Variants in DCUN1D1 observed in about 807,000 individuals in gnomAD.
DCUN1D1 encodes DCN1-like protein 1.
Under a neutral mutation model 39.0 loss-of-function variants are expected in DCUN1D1, and 3 were observed. That is an observed-to-expected ratio of 0.08 (90% confidence interval 0.04 to 0.20). The LOEUF (loss-of-function observed/expected upper bound fraction) is 0.20, where lower values mean the gene tolerates loss of function less well. Ranked by LOEUF, DCUN1D1 falls within the 10% of genes least tolerant of loss-of-function variation. The pLI is 1.00. For missense variants in DCUN1D1, 158 were observed against 302.4 expected (o/e 0.52, Z 3.54); for synonymous variants, 82 against 96.3 (o/e 0.85, Z 0.87).
chr3:182,953,820 T>C (rs1189200280), intron 4 of DCUN1D1, among the ~76,000 whole-genome samples: 2 of 152,190 alleles, frequency 1.3e-5, no homozygotes, highest in African/African-American at 4.8e-5. Flanking sequence ...TTGAGATCCT[T>C]GCAGAATAAA....
chr3:182,981,879 C>T (rs1237704279), upstream of DCUN1D1, among the ~76,000 whole-genome samples: 1 of 152,210 alleles, frequency 6.6e-6, no homozygotes, highest in East Asian at 1.9e-4. Context: ...TTAAAGAATG[C>T]ATGTGAATGT....
chr3:182,969,183 C>G (rs1305796503), intron 1 of DCUN1D1, among the ~76,000 whole-genome samples: 1 of 152,194 alleles, frequency 6.6e-6, no homozygotes, highest in Non-Finnish European at 1.5e-5. Flanking sequence ...ACATTTGATT[C>G]CCTACTAAGG....
At chr3:182,964,521 CTT>C (rs1309919007) in intron 2 of DCUN1D1, among the ~76,000 whole-genome samples, 18 of 151,546 alleles carry the variant, frequency 1.2e-4, no homozygotes, top group African/African-American at 2.4e-4. Context: ...GTAAATATCT[CTT>C]GTTTAAAGAA....
chr3:182,953,076 T>A (rs903263210), intron 4 of DCUN1D1, among the ~76,000 whole-genome samples: 1 of 152,208 alleles, frequency 6.6e-6, no homozygotes, highest in Non-Finnish European at 1.5e-5. Context: ...TCTGAGCAAG[T>A]GAACATGCTA....
intron 1 of DCUN1D1, among the ~76,000 whole-genome samples, chr3:182,979,606 C>CA (rs1476456478): frequency 6.8e-6 from 1 of 147,886 alleles, no homozygotes; most frequent in Non-Finnish European, 1.5e-5. Flanking sequence ...TTTTTCCCCC[C>CA]CCCAAACAAA....
intron 2 of DCUN1D1, among the ~76,000 whole-genome samples, chr3:182,964,866 C>A (rs965863473): frequency 5.9e-5 from 9 of 152,048 alleles, no homozygotes; most frequent in Non-Finnish European, 7.4e-5. Context: ...GTCTTGAACT[C>A]CTGACCTTGT....
In DCUN1D1 at chr3:182,941,141, AATC is replaced by A. The variant is rs1360513796; in HGVS notation, c.*3950_*3952del. On this transcript the variant is annotated 3_prime_UTR_variant, in exon 7 of 7. Transcript: ENST00000292782. The stretch of plus-strand genomic sequence containing the variant: ...TAAGATAGCAAGAATGCTCTGATAA[AATC>A]ATTTATGTAACTATATTATGAGTTT... 1 of 118,650 alleles carries A rather than the reference AATC, an allele frequency of 8.4e-6. No individual in the cohort carries two copies. Among genetic ancestry groups the A allele is most frequent in the Non-Finnish European group, 2.2e-5 (1 of 46,296 alleles). The allele number at this position is 118,650 out of a possible 1,614,324, so 7.3% of individuals were successfully genotyped here. A position where few individuals can be genotyped will look rare whatever the true frequency, so the allele number is the denominator to read the frequency against.
At chr3:182,974,229 G>A (rs760552989) in intron 1 of DCUN1D1, among the ~76,000 whole-genome samples, 4 of 152,088 alleles carry the variant, frequency 2.6e-5, no homozygotes, top group Non-Finnish European at 2.9e-5. Flanking sequence ...TCCAGCCTGC[G>A]CAACACAGAG....
At chr3:182,967,128 C>CTATATATATATATATATATATA (rs60339329) in intron 1 of DCUN1D1, among the ~76,000 whole-genome samples, 31 of 143,566 alleles carry the variant, frequency 2.2e-4, no homozygotes, top group African/African-American at 8.2e-4. Context: ...AACAAAAAAA[C>CTATATATATATATATATATATA]TATATATATA....
chr3:182,982,098 G>GT (rs1349802332), upstream of DCUN1D1, among the ~76,000 whole-genome samples: 1 of 152,160 alleles, frequency 6.6e-6, no homozygotes, highest in Non-Finnish European at 1.5e-5. Context: ...TGAAATAATC[G>GT]TTTGTGGGTT....
chr3:182,970,722 A>G (rs961866351), intron 1 of DCUN1D1, among the ~76,000 whole-genome samples: 1 of 152,268 alleles, frequency 6.6e-6, no homozygotes, highest in Non-Finnish European at 1.5e-5. Context: ...TTATGTAATT[A>G]TCATATTGAC....
intron 3 of DCUN1D1, 107 bp downstream of exon 3, chr3:182,963,774 A>T (rs1727521847): frequency 2.1e-5 from 21 of 982,486 alleles, no homozygotes; most frequent in Non-Finnish European, 3.1e-5. Flanking sequence ...TTCTATTTAT[A>T]CCAATGTTTG....
In DCUN1D1 at chr3:182,947,380, G is replaced by C. The variant is rs375924314; in HGVS notation, c.604-46C>G. 250 of 1,360,336 alleles carry C rather than the reference G, an allele frequency of 1.8e-4. No individual in the cohort carries two copies. The African/African-American group carries it at 3.1e-3, about 17-fold the overall frequency. The allele number at this position is 1,360,336 out of a possible 1,614,324, so 84.3% of individuals were successfully genotyped here. Reference sequence around the variant, plus strand: ...AAATACATTTGTATCACTAAAAAGAGCTGCACAAAAACAGTTTGGACAATT... The same window carrying C: ...AAATACATTTGTATCACTAAAAAGACCTGCACAAAAACAGTTTGGACAATT... On this transcript the variant is annotated intron_variant, in intron 5 of 6. Transcript: ENST00000292782.
At chr3:182,972,965 C>A (rs1467770809) in intron 1 of DCUN1D1, among the ~76,000 whole-genome samples, 3 of 151,990 alleles carry the variant, frequency 2.0e-5, no homozygotes, top group Non-Finnish European at 4.4e-5. Flanking sequence ...TTGCTTGAAC[C>A]CGGGAGGCGG....
intron 2 of DCUN1D1, among the ~76,000 whole-genome samples, chr3:182,964,984 A>T (rs1231554054): frequency 6.6e-6 from 1 of 152,160 alleles, no homozygotes; most frequent in African/African-American, 2.4e-5. Context: ...TTCCAGCAAT[A>T]AAAAACATGA....
At position 182,938,417 on chromosome 3, in the gene DCUN1D1, A is replaced by G. The variant is rs1725987914; in HGVS notation, c.*6677T>C. The stretch of plus-strand genomic sequence containing the variant: ...GCTGGGTAGTTATTAACACTAACAA[A>G]CTGTTAACAGTTAAGTCTAACAACA... On this transcript the variant is annotated 3_prime_UTR_variant, in exon 7 of 7. Coordinates refer to ENST00000292782, the MANE Select transcript of DCUN1D1 (RefSeq NM_020640.4). 1 of 152,098 alleles carries G rather than the reference A, an allele frequency of 6.6e-6. No individual in the cohort carries two copies. The highest frequency in any genetic ancestry group is 2.4e-5 in the African/African-American group (1 of 41,420). 9.4% of individuals were successfully genotyped at this position (152,098 alleles called of 1,614,324 possible). A position where few individuals can be genotyped will look rare whatever the true frequency, so the allele number is the denominator to read the frequency against.
At chr3:182,984,925 G>C (rs11708125), upstream of DCUN1D1, among the ~76,000 whole-genome samples, 9,363 of 152,184 alleles carry the variant, frequency 0.062, 357 homozygotes, top group Middle Eastern at 0.092. Context: ...AAAGCCACTA[G>C]TCTGAGATAC....
intron 1 of DCUN1D1, among the ~76,000 whole-genome samples, chr3:182,972,072 T>C (rs73883988): frequency 4.2e-5 from 6 of 144,004 alleles, no homozygotes; most frequent in African/African-American, 1.5e-4. Flanking sequence ...TTTTTTTTTT[T>C]GGTTGGGGGT....
chr3:182,963,353 C>T (rs1727502348), intron 3 of DCUN1D1, among the ~76,000 whole-genome samples: 3 of 152,186 alleles, frequency 2.0e-5, no homozygotes, highest in Admixed American at 6.5e-5. Flanking sequence ...CAGCTTGTTA[C>T]CTACCAACAG....
Sources: allele counts gnomAD v4.1 joint callset (sites outside exome capture counted in the v4.1 genomes callset), GRCh38; gene constraint gnomAD v4.1.1; transcripts MANE v1.5; gene names NCBI Gene and HGNC (gene_info 2026-07-23, HGNC 2026-07-21).